GPC6: variants seen among roughly 807,000 people sequenced by gnomAD.
The protein encoded by GPC6 is glypican 6, also known as glypican-6.
Under a neutral mutation model 55.2 loss-of-function variants are expected in GPC6, and 14 were observed. The ratio of observed to expected loss-of-function variants is 0.25; its 90% CI spans 0.17 to 0.40. GPC6 has a LOEUF of 0.40. GPC6 is among the 10% of genes least tolerant of loss of function. The pLI, the probability that GPC6 is intolerant of heterozygous loss-of-function variation, is 1.00. For missense variants in GPC6, 641 were observed against 708.5 expected (o/e 0.90, Z 1.08); for synonymous variants, 278 against 259.6 (o/e 1.07, Z -0.68).
chr13:94,115,008 C>T (rs1256419360), intron 4 of GPC6, among the ~76,000 whole-genome samples: 1 of 152,008 alleles, frequency 6.6e-6, no homozygotes, highest in African/African-American at 2.4e-5. Context: ...TCTATTGTCT[C>T]CAATAAGTAA....
intron 3 of GPC6, among the ~76,000 whole-genome samples, chr13:93,857,326 G>C (rs186378540): frequency 1.3e-5 from 2 of 151,600 alleles, no homozygotes; most frequent in East Asian, 3.9e-4. Flanking sequence ...TGTTGCATAA[G>C]ATTTGGAAAT....
chr13:94,335,474 A>G (rs115940406), intron 6 of GPC6, among the ~76,000 whole-genome samples: 2 of 152,338 alleles, frequency 1.3e-5, no homozygotes, highest in Non-Finnish European at 2.9e-5. Flanking sequence ...ACCTTTACGA[A>G]TAACACACAT....
intron 2 of GPC6, among the ~76,000 whole-genome samples, chr13:93,694,627 T>G (rs1287888831): frequency 6.6e-6 from 1 of 152,114 alleles, no homozygotes; most frequent in Non-Finnish European, 1.5e-5. Context: ...GAGTTACACA[T>G]CACTGGTGGC....
At chr13:93,716,993 A>G (rs569887049) in intron 2 of GPC6, among the ~76,000 whole-genome samples, 3 of 151,808 alleles carry the variant, frequency 2.0e-5, no homozygotes, top group Non-Finnish European at 4.4e-5. Flanking sequence ...TTTTCAGGCT[A>G]GGAGCAACAG....
chr13:93,216,883 C>A, the GPC6 span, among the ~76,000 whole-genome samples: 6,827 of 152,204 alleles, frequency 0.045, 498 homozygotes, highest in African/African-American at 0.16. Flanking sequence ...AAGGAGGTTC[C>A]ATTTCTTATA....
chr13:93,314,981 G>A (rs907696577), intron 1 of GPC6, among the ~76,000 whole-genome samples: 1 of 152,052 alleles, frequency 6.6e-6, no homozygotes, highest in Non-Finnish European at 1.5e-5. Flanking sequence ...TAGAAACAGA[G>A]AGGGAACAGT....
chr13:94,279,369 T>C, intron 4 of GPC6, among the ~76,000 whole-genome samples: 1 of 97,120 alleles, frequency 1.0e-5, no homozygotes, highest in East Asian at 3.3e-4. Context: ...ATTTTGTTGA[T>C]CTTTTTCAAA....
At chr13:93,330,644 T>C (rs1879811660) in intron 1 of GPC6, among the ~76,000 whole-genome samples, 1 of 152,202 alleles carries the variant, frequency 6.6e-6, no homozygotes, top group African/African-American at 2.4e-5. Flanking sequence ...TTATCATGCA[T>C]CATTTTCTCA....
At chr13:93,408,640 C>T (rs1351085820) in intron 1 of GPC6, among the ~76,000 whole-genome samples, 1 of 152,070 alleles carries the variant, frequency 6.6e-6, no homozygotes, top group Admixed American at 6.6e-5. Flanking sequence ...TAATGCATGA[C>T]AAAATTATGC....
chr13:93,378,923 A>G (rs2139201408), intron 1 of GPC6, among the ~76,000 whole-genome samples: 1 of 151,750 alleles, frequency 6.6e-6, no homozygotes, highest in Middle Eastern at 3.4e-3. Flanking sequence ...TGAACCCAGG[A>G]GGCAAAGGTG....
At chr13:94,249,477 ATCTT>A (rs1891288490) in intron 4 of GPC6, among the ~76,000 whole-genome samples, 5 of 152,064 alleles carry the variant, frequency 3.3e-5, no homozygotes, top group African/African-American at 1.2e-4. Context: ...CCCCTAAGAT[ATCTT>A]TTATATTAAC....
chr13:94,004,032 T>C (rs1294980803), intron 3 of GPC6, among the ~76,000 whole-genome samples: 11 of 152,188 alleles, frequency 7.2e-5, no homozygotes, highest in Admixed American at 7.2e-4. Flanking sequence ...AAATAAAGTA[T>C]GCTTAGGATC....
chr13:93,706,517 A>G (rs1458122158), intron 2 of GPC6, among the ~76,000 whole-genome samples: 1 of 151,920 alleles, frequency 6.6e-6, no homozygotes, highest in Non-Finnish European at 1.5e-5. Context: ...AGAAATCTTG[A>G]CAGATTCTCC....
intron 3 of GPC6, among the ~76,000 whole-genome samples, chr13:93,854,374 C>T (rs757360051): frequency 6.6e-6 from 1 of 151,594 alleles, no homozygotes; most frequent in Non-Finnish European, 1.5e-5. Flanking sequence ...TTAAAGATAA[C>T]CTTAAACCTC....
chr13:93,652,273 G>T (rs1880451422), intron 2 of GPC6, among the ~76,000 whole-genome samples: 1 of 151,948 alleles, frequency 6.6e-6, no homozygotes, highest in African/African-American at 2.4e-5. Context: ...TATTAATTTG[G>T]TGGATCTTTT....
intron 2 of GPC6, among the ~76,000 whole-genome samples, chr13:93,672,199 G>C (rs575630482): frequency 6.9e-5 from 10 of 144,616 alleles, no homozygotes; most frequent in African/African-American, 1.3e-4. Context: ...TTTAATGACT[G>C]TGTGTGTGTG....
At chr13:93,381,882 T>C (rs1011315856) in intron 1 of GPC6, among the ~76,000 whole-genome samples, 2 of 152,162 alleles carry the variant, frequency 1.3e-5, no homozygotes, top group Non-Finnish European at 2.9e-5. Context: ...TGCTGACTAC[T>C]TACCAGTCAT....
At chr13:93,915,496 G>C (rs1358756276) in intron 3 of GPC6, among the ~76,000 whole-genome samples, 6 of 152,000 alleles carry the variant, frequency 3.9e-5, no homozygotes, top group African/African-American at 1.5e-4. Flanking sequence ...AAAACTGAAG[G>C]GTTGAAAAAC....
rs534149950 is a variant in GPC6, at chr13:93,670,955, G to A, written c.319+125534G>A. ...ATTCTCTAATTTTAAAGAGCAAAGC[G>A]TCCTGCCTTGGCTTCTTCCTTTTGG... is the stretch of plus-strand genomic sequence containing the variant. On this transcript the variant is annotated intron_variant, in intron 2 of 8. Transcript: ENST00000377047. 5.3e-5 allele frequency among the ~76,000 whole-genome samples: 8 copies of A among 152,256 alleles called. No individual in the cohort carries two copies. The East Asian group carries it at 5.8e-4, about 11-fold the overall frequency.
Sources: gnomAD v4.1 joint callset for allele counts (sites outside exome capture counted in the v4.1 genomes callset) on GRCh38, gnomAD v4.1.1 for gene constraint, MANE v1.5 for transcripts, NCBI Gene and HGNC (gene_info 2026-07-23, HGNC 2026-07-21) for gene names.